Variants in NTRK2 observed in about 807,000 individuals in gnomAD.
NTRK2 encodes the protein BDNF/NT-3 growth factors receptor.
A neutral mutation model predicts 94.5 loss-of-function variants in NTRK2; 13 were observed. The observed-to-expected ratio is 0.14, with a 90% CI of 0.09 to 0.22. The LOEUF (loss-of-function observed/expected upper bound fraction) is 0.22. Among genes scored for constraint, NTRK2 ranks in the 10% least tolerant of loss-of-function variants. The probability of loss-of-function intolerance (pLI) is 1.00; values close to 1 mark genes in which losing one functional copy is unlikely to be tolerated. For synonymous variants in NTRK2, 372 were observed against 407.4 expected (o/e 0.91, Z 1.05); for missense variants, 639 against 1,071.2 (o/e 0.60, Z 5.63).
At chr9:84,866,129 G>A (rs1251509218) in intron 13 of NTRK2, among the ~76,000 whole-genome samples, 1 of 152,152 alleles carries the variant, frequency 6.6e-6, no homozygotes, top group Non-Finnish European at 1.5e-5. Flanking sequence ...AACAAAGCAG[G>A]TAACTTTGCC....
chr9:84,994,219 G>A (rs1447232443), intron 17 of NTRK2, among the ~76,000 whole-genome samples: 1 of 151,994 alleles, frequency 6.6e-6, no homozygotes, highest in African/African-American at 2.4e-5. Context: ...TATTACATGT[G>A]TAATTTTAGA....
chr9:84,983,777 C>T (rs925612459), intron 17 of NTRK2, among the ~76,000 whole-genome samples: 2 of 152,108 alleles, frequency 1.3e-5, no homozygotes, highest in East Asian at 1.9e-4. Flanking sequence ...TGGAGGGACG[C>T]GATAGCTTTC....
intron 5 of NTRK2, among the ~76,000 whole-genome samples, chr9:84,708,603 G>T (rs1157363423): frequency 6.6e-6 from 1 of 152,164 alleles, no homozygotes; most frequent in Non-Finnish European, 1.5e-5. Flanking sequence ...GCACCTCAAA[G>T]CATCCTAATG....
chr9:84,865,850 A>C (rs2075567963), intron 13 of NTRK2, among the ~76,000 whole-genome samples: 1 of 152,218 alleles, frequency 6.6e-6, no homozygotes. Context: ...CCTCCCACGT[A>C]GACAGTGCCT....
chr9:84,793,902 T>C (rs1240542958), intron 12 of NTRK2, among the ~76,000 whole-genome samples: 1 of 152,112 alleles, frequency 6.6e-6, no homozygotes, highest in African/African-American at 2.4e-5. Flanking sequence ...AACAGCAGAG[T>C]TGAGTGACTG....
intron 14 of NTRK2, among the ~76,000 whole-genome samples, chr9:84,929,241 C>T (rs1178758390): frequency 6.6e-6 from 1 of 152,148 alleles, no homozygotes; most frequent in African/African-American, 2.4e-5. Context: ...CACATTGCGA[C>T]ACAATGCATT....
In NTRK2 at chr9:85,025,841, A is replaced by G; in HGVS notation, c.*4404A>G. On this transcript the variant is annotated 3_prime_UTR_variant, in exon 19 of 19. Transcript: ENST00000277120. The stretch of plus-strand genomic sequence containing the variant: ...TTACAGCTGATTTTTTATGATGCAT[A>G]ATTGGAATGTGGAGCCTCTGAGGTT... The G allele has an allele frequency of 4.3e-6, 1 of 232,744 alleles. No homozygotes were observed. The highest frequency in any genetic ancestry group is 8.5e-6 in the Non-Finnish European group (1 of 117,778). The allele number at this position is 232,744 out of a possible 1,614,324, so 14.4% of individuals were successfully genotyped here.
Position 85,024,821 on chromosome 9 carries a change from T to C in NTRK2, c.*3384T>C. The C allele has an allele frequency of 4.3e-6, 1 of 233,034 alleles. No individual in the cohort carries two copies. The highest frequency in any genetic ancestry group is 8.5e-6 in the Non-Finnish European group (1 of 117,920). The allele number at this position is 233,034 out of a possible 1,614,324, so 14.4% of individuals were successfully genotyped here. Reference sequence around the variant, plus strand: ...ATAATCAGGCTTATTTAGAAAACACTTTGAACTATGCTATAAAAGATTATA... The same window carrying C: ...ATAATCAGGCTTATTTAGAAAACACCTTGAACTATGCTATAAAAGATTATA... On this transcript the variant is annotated 3_prime_UTR_variant, in exon 19 of 19. Transcript: ENST00000277120.
intron 17 of NTRK2, among the ~76,000 whole-genome samples, chr9:84,965,595 A>G (rs185095970): frequency 1.2e-4 from 19 of 152,256 alleles, no homozygotes; most frequent in Non-Finnish European, 2.2e-4. Flanking sequence ...CAATTAGATG[A>G]CCTGTTAACA....
At chr9:84,970,170 G>T (rs1202491780) in intron 17 of NTRK2, among the ~76,000 whole-genome samples, 1 of 152,088 alleles carries the variant, frequency 6.6e-6, no homozygotes, top group African/African-American at 2.4e-5. Flanking sequence ...GCCAAGGTGG[G>T]TGGATCACCT....
rs2058979336 is a variant in NTRK2, at chr9:84,675,325, T to TG, written c.212+4365_212+4366insG. On this transcript the variant is annotated intron_variant, in intron 2 of 18. Transcript: ENST00000277120. ...TCTTCTCCTTTCTTTCTTTCTTTCC[T>TG]TTTTTTTTTTTTTTTTTTTTTTTTT... is the stretch of plus-strand genomic sequence containing the variant. Among the ~76,000 whole-genome samples, 3 of 12,480 alleles carry TG rather than the reference T, an allele frequency of 2.4e-4. No individual in the cohort carries two copies. The South Asian group carries it at 9.4e-3, about 39-fold the overall frequency. The allele number at this position is 12,480 out of a possible 152,430, so 8.2% of individuals were successfully genotyped here. A position where few individuals can be genotyped will look rare whatever the true frequency, so the allele number is the denominator to read the frequency against.
intron 14 of NTRK2, among the ~76,000 whole-genome samples, chr9:84,927,583 T>A (rs2132656589): frequency 6.6e-6 from 1 of 152,216 alleles, no homozygotes; most frequent in East Asian, 1.9e-4. Context: ...TGAACTCATA[T>A]GCTTTCTCTT....
intron 17 of NTRK2, among the ~76,000 whole-genome samples, chr9:84,967,522 A>T (rs1200168774): frequency 6.6e-6 from 1 of 152,268 alleles, no homozygotes; most frequent in African/African-American, 2.4e-5. Context: ...GAACACTGAA[A>T]TGGAACAGTT....
At chr9:84,842,901 G>T (rs2074263686) in intron 12 of NTRK2, among the ~76,000 whole-genome samples, 1 of 152,190 alleles carries the variant, frequency 6.6e-6, no homozygotes, top group Non-Finnish European at 1.5e-5. Flanking sequence ...TGTCTCTAAG[G>T]AGAGGAATGA....
chr9:84,995,237 G>C (rs1357939381), intron 17 of NTRK2, among the ~76,000 whole-genome samples: 1 of 152,090 alleles, frequency 6.6e-6, no homozygotes, highest in Non-Finnish European at 1.5e-5. Flanking sequence ...GCTTCAGAAG[G>C]TGTCACACTG....
chr9:84,998,417 A>G (rs1035442251), intron 17 of NTRK2, among the ~76,000 whole-genome samples: 2 of 152,188 alleles, frequency 1.3e-5, no homozygotes, highest in Non-Finnish European at 2.9e-5. Context: ...AGTCCTGCCC[A>G]ACCCTACACC....
chr9:84,730,536 C>G (rs926998823), intron 9 of NTRK2, among the ~76,000 whole-genome samples: 8 of 132,066 alleles, frequency 6.1e-5, no homozygotes, highest in East Asian at 4.3e-4. Context: ...GTCAGGAGAT[C>G]GAGACCATCC....
At chr9:85,020,039 G>T (rs569006718) in intron 17 of NTRK2, among the ~76,000 whole-genome samples, 167 bp from the exon 18 acceptor site, 1 of 152,130 alleles carries the variant, frequency 6.6e-6, no homozygotes, top group East Asian at 1.9e-4. Flanking sequence ...TTTGCCTTCT[G>T]TCTCTGTTGC....
At chr9:84,965,389 A>G (rs1023255872) in intron 17 of NTRK2, among the ~76,000 whole-genome samples, 9 of 152,184 alleles carry the variant, frequency 5.9e-5, no homozygotes, top group African/African-American at 1.2e-4. Flanking sequence ...AAGAGACGTA[A>G]ATGAATCACT....
Sources: allele counts gnomAD v4.1 joint callset (sites outside exome capture counted in the v4.1 genomes callset), GRCh38; gene constraint gnomAD v4.1.1; transcripts MANE v1.5; gene names NCBI Gene and HGNC (gene_info 2026-07-23, HGNC 2026-07-21).